ALDH1A2: variants seen among roughly 807,000 people sequenced by gnomAD.
ALDH1A2 encodes the protein retinal dehydrogenase 2.
A neutral mutation model predicts 60.3 loss-of-function variants in ALDH1A2; 27 were observed. That is an observed-to-expected ratio of 0.45 (90% confidence interval 0.33 to 0.62). ALDH1A2 has a LOEUF of 0.62. ALDH1A2 is among the 20% of genes least tolerant of loss of function. ALDH1A2 has a pLI of 0.02. For missense variants in ALDH1A2, 581 were observed against 643.8 expected (o/e 0.90, Z 1.06); for synonymous variants, 289 against 232.4 (o/e 1.24, Z -2.21).
chr15:58,013,956 A>G lies in ALDH1A2; in HGVS notation c.265T>C (p.Ser89Pro). The G allele has an allele frequency of 6.2e-7, 1 of 1,614,106 alleles. No homozygotes were observed. Among genetic ancestry groups the G allele is most frequent in the Non-Finnish European group, 8.5e-7 (1 of 1,180,004 alleles). ...ATCCTTCTCCACACTGAACCAAGAG[A>G]GAAAGCCAGGCGGGCTGCCTGCACT... ...KAVQAARLAF[S>P]LGSVWRRMDA... is the part of the protein sequence containing the mutation. Residue 89 changes from serine to proline, a missense_variant, in exon 3 of 13, where the codon TCT becomes CCT. Transcript: ENST00000249750.
chr15:58,051,875 C>T (rs995007355), intron 1 of ALDH1A2, among the ~76,000 whole-genome samples: 5 of 152,154 alleles, frequency 3.3e-5, no homozygotes, highest in Non-Finnish European at 5.9e-5. Flanking sequence ...CTTGCCACCA[C>T]GCTTCCTCAC....
intron 7 of ALDH1A2, among the ~76,000 whole-genome samples, chr15:57,968,397 T>C (rs1347023088): frequency 2.0e-5 from 3 of 152,190 alleles, no homozygotes; most frequent in Non-Finnish European, 2.9e-5. Flanking sequence ...TGACAGAACC[T>C]GTTGGACTAT....
intron 1 of ALDH1A2, among the ~76,000 whole-genome samples, chr15:58,023,154 A>C (rs1242741123): frequency 1.3e-5 from 2 of 152,240 alleles, no homozygotes; most frequent in African/African-American, 4.8e-5. Flanking sequence ...TTTTTTAAAG[A>C]AACAAATAGA....
At chr15:57,976,883 T>C (rs867381807) in intron 7 of ALDH1A2, among the ~76,000 whole-genome samples, 31 of 152,170 alleles carry the variant, frequency 2.0e-4, no homozygotes, top group African/African-American at 6.8e-4. Flanking sequence ...CCATCAACAG[T>C]GTAAAAGCAT....
intron 7 of ALDH1A2, among the ~76,000 whole-genome samples, chr15:57,967,074 G>T (rs1267593597): frequency 6.6e-6 from 1 of 152,150 alleles, no homozygotes; most frequent in African/African-American, 2.4e-5. Context: ...TTCAACTCCT[G>T]CAGTCCCTTG....
rs192897297 is a variant in ALDH1A2 at position 58,064,676 on chromosome 15, C to T, written c.117+858G>A. ...GGTTTTCAATCCCATCTCTCTCTCA[C>T]CACCTCCCTCAAAATGTTGTAACAT... On this transcript the variant is annotated intron_variant, in intron 1 of 12. Coordinates refer to ENST00000249750, the MANE Select transcript of ALDH1A2 (RefSeq NM_003888.4). Among the ~76,000 whole-genome samples, 331 of 152,258 alleles carry T rather than the reference C, an allele frequency of 2.2e-3. 4 individuals are homozygous for T. The highest frequency in any genetic ancestry group is 0.018 in the Admixed American group (282 of 15,294).
intron 1 of ALDH1A2, among the ~76,000 whole-genome samples, chr15:58,063,033 T>C (rs1403387692): frequency 6.6e-6 from 1 of 152,130 alleles, no homozygotes; most frequent in African/African-American, 2.4e-5. Flanking sequence ...GAAATACTTC[T>C]AGGAGGAGGA....
intron 1 of ALDH1A2, among the ~76,000 whole-genome samples, chr15:58,061,991 T>C (rs1173606572): frequency 2.6e-5 from 4 of 152,174 alleles, no homozygotes; most frequent in African/African-American, 9.7e-5. Flanking sequence ...AAAGCACCCC[T>C]GTTAGGAACA....
intron 9 of ALDH1A2, 51 bp from the exon 10 acceptor site, chr15:57,962,227 G>A (rs1308425611): frequency 1.3e-6 from 2 of 1,591,644 alleles, no homozygotes; most frequent in Non-Finnish European, 1.7e-6. Flanking sequence ...TATGAAAATG[G>A]AAATAAGTAT....
chr15:57,954,235 G>T lies in ALDH1A2; in HGVS notation c.*962C>A, dbSNP rs186923292. 12 of 152,488 alleles carry T rather than the reference G, an allele frequency of 7.9e-5. No homozygotes were observed. Among genetic ancestry groups the T allele is most frequent in the African/African-American group, 2.9e-4 (12 of 41,572 alleles). 9.4% of individuals were successfully genotyped at this position (152,488 alleles called of 1,614,324 possible). On this transcript the variant is annotated 3_prime_UTR_variant, in exon 13 of 13. Coordinates refer to ENST00000249750, the MANE Select transcript of ALDH1A2 (RefSeq NM_003888.4). The stretch of plus-strand genomic sequence containing the variant: ...TTGGTGTAGAGGTTCAGAAGGTACA[G>T]ATTCCAACTACAGAAATAATTCATT...
At chr15:57,964,251 T>C (rs1489545092) in intron 8 of ALDH1A2, 182 bp from the exon 9 acceptor site, 1 of 622,848 alleles carries the variant, frequency 1.6e-6, no homozygotes, top group African/African-American at 1.8e-5. Flanking sequence ...TATGTGAACT[T>C]GAACAACTTC....
chr15:58,054,314 A>C (rs748933772), intron 1 of ALDH1A2, among the ~76,000 whole-genome samples: 10 of 152,188 alleles, frequency 6.6e-5, no homozygotes, highest in Non-Finnish European at 1.5e-4. Flanking sequence ...AAGTCAGAGA[A>C]ATCTGGAGAT....
chr15:58,004,101 T>C (rs1322517016), intron 4 of ALDH1A2, among the ~76,000 whole-genome samples: 3 of 151,858 alleles, frequency 2.0e-5, no homozygotes, highest in Admixed American at 2.0e-4. Flanking sequence ...CCACCCACTT[T>C]TTCATTGCTC....
In ALDH1A2 at chr15:57,961,226, G is replaced by C. The variant is rs1349298337; in HGVS notation, c.1320C>G (p.Asn440Lys). The C allele has an allele frequency of 1.9e-6, 3 of 1,614,046 alleles. No homozygotes were observed. The highest frequency in any genetic ancestry group is 2.7e-5 in the African/African-American group (2 of 74,938). The change falls in exon 11 of 13, where the codon AAC becomes AAG. Residue 440 changes from asparagine (N) to lysine (K), a missense_variant. Transcript: ENST00000249750. ...TMDEVIERAN[N>K]SDFGLVAAVF... is the part of the protein sequence containing the mutation. ...CAGCTGCTACGAGTCCAAAGTCTGAGTTATTGGCTCTTTCGATAACTTCAT... is the reference window on the plus strand; with the variant it reads ...CAGCTGCTACGAGTCCAAAGTCTGACTTATTGGCTCTTTCGATAACTTCAT...
At chr15:57,993,167 C>G in intron 5 of ALDH1A2, 94 bp from the exon 6 acceptor site, 2 of 1,459,510 alleles carry the variant, frequency 1.4e-6, no homozygotes, top group East Asian at 2.4e-5. Context: ...CAAACTAGTC[C>G]TCGACATAAA....
At chr15:58,059,771 G>A (rs1595698015) in intron 1 of ALDH1A2, among the ~76,000 whole-genome samples, 1 of 152,072 alleles carries the variant, frequency 6.6e-6, no homozygotes, top group Non-Finnish European at 1.5e-5. Flanking sequence ...AACCCTCCCA[G>A]GAATCCCATT....
At chr15:58,025,201 G>T (rs575655263) in intron 1 of ALDH1A2, among the ~76,000 whole-genome samples, 1 of 152,016 alleles carries the variant, frequency 6.6e-6, no homozygotes, top group East Asian at 1.9e-4. Flanking sequence ...GTAACTAAAT[G>T]AAACAGAGAC....
At chr15:58,057,564 C>T (rs1407052897) in intron 1 of ALDH1A2, among the ~76,000 whole-genome samples, 1 of 152,144 alleles carries the variant, frequency 6.6e-6, no homozygotes, top group African/African-American at 2.4e-5. Context: ...TACTGCTTTA[C>T]TTTTCTGTAT....
At chr15:57,986,293 T>C (rs1439962791) in intron 7 of ALDH1A2, among the ~76,000 whole-genome samples, 2 of 152,150 alleles carry the variant, frequency 1.3e-5, no homozygotes. Context: ...CAGAATATGA[T>C]GGTCTGAATT....
Sources: allele counts gnomAD v4.1 joint callset (sites outside exome capture counted in the v4.1 genomes callset), GRCh38; gene constraint gnomAD v4.1.1; transcripts MANE v1.5; gene names NCBI Gene and HGNC (gene_info 2026-07-23, HGNC 2026-07-21).